The following FOXN3 variants were observed in gnomAD, a reference collection of about 807,000 sequenced individuals.
FOXN3 encodes the protein forkhead box N3.
A neutral mutation model predicts 38.4 loss-of-function variants in FOXN3; 7 were observed. The observed-to-expected ratio is 0.18, with a 90% confidence interval of 0.10 to 0.34. The LOEUF is 0.34. Ranked by LOEUF, FOXN3 falls within the 10% of genes least tolerant of loss-of-function variation. The pLI, the probability that FOXN3 is intolerant of heterozygous loss-of-function variation, is 1.00. For missense variants in FOXN3, 456 were observed against 613.4 expected, an observed-to-expected ratio of 0.74 and a Z score of 2.71; for synonymous variants, 230 against 242.2, an observed-to-expected ratio of 0.95 and a Z score of 0.47.
At chr14:89,543,588 G>A (rs565455523) in intron 1 of FOXN3, among the ~76,000 whole-genome samples, 16 of 152,164 alleles carry the variant, frequency 1.1e-4, no homozygotes, top group African/African-American at 1.9e-4. Flanking sequence ...CTATTCCTCC[G>A]GCAAGGTTGC....
At chr14:89,586,155 C>A (rs543073357) in intron 1 of FOXN3, among the ~76,000 whole-genome samples, 44 of 152,180 alleles carry the variant, frequency 2.9e-4, no homozygotes, top group Non-Finnish European at 5.7e-4. Context: ...AGCACCAATG[C>A]CTGGCCTGGC....
intron 1 of FOXN3, among the ~76,000 whole-genome samples, chr14:89,583,474 C>T (rs1566708677): frequency 6.6e-6 from 1 of 152,226 alleles, no homozygotes; most frequent in Non-Finnish European, 1.5e-5. Flanking sequence ...AGAAGGCCCT[C>T]ACCAGACCCA....
chr14:89,612,192 T>C (rs1309083445), intron 1 of FOXN3, among the ~76,000 whole-genome samples: 1 of 152,142 alleles, frequency 6.6e-6, no homozygotes. Flanking sequence ...TTAATGCATA[T>C]TATCATTAGG....
intron 3 of FOXN3, among the ~76,000 whole-genome samples, chr14:89,285,219 A>G (rs1266976266): frequency 2.6e-5 from 4 of 152,190 alleles, no homozygotes; most frequent in Admixed American, 2.6e-4. Context: ...GTGAACTAGG[A>G]CCTACAAAAG....
chr14:89,502,244 C>T (rs1411830608), intron 1 of FOXN3, among the ~76,000 whole-genome samples: 1 of 152,156 alleles, frequency 6.6e-6, no homozygotes, highest in African/African-American at 2.4e-5. Context: ...TACAAACATG[C>T]ATGGAAATGA....
At chr14:89,352,063 A>G in intron 2 of FOXN3, among the ~76,000 whole-genome samples, 1 of 152,234 alleles carries the variant, frequency 6.6e-6, no homozygotes, top group East Asian at 1.9e-4. Context: ...TGCAATGAGA[A>G]TAGGAGAATT....
chr14:89,423,316 T>G (rs745449324), intron 1 of FOXN3, among the ~76,000 whole-genome samples: 2 of 152,240 alleles, frequency 1.3e-5, no homozygotes, highest in African/African-American at 2.4e-5. Flanking sequence ...TACCTAGTTT[T>G]CACTTCATAG....
At chr14:89,544,164 C>A (rs952505641) in intron 1 of FOXN3, among the ~76,000 whole-genome samples, 1 of 151,964 alleles carries the variant, frequency 6.6e-6, no homozygotes, top group African/African-American at 2.4e-5. Flanking sequence ...GCCTCAGCAT[C>A]CCAAGTAGCT....
chr14:89,216,675 T>C (rs1454756568), intron 4 of FOXN3, among the ~76,000 whole-genome samples: 1 of 152,114 alleles, frequency 6.6e-6, no homozygotes, highest in Non-Finnish European at 1.5e-5. Context: ...GAACCAAATG[T>C]CCCCCAGCCA....
chr14:89,365,582 C>A (rs1465018775), intron 2 of FOXN3, among the ~76,000 whole-genome samples: 1 of 152,192 alleles, frequency 6.6e-6, no homozygotes, highest in African/African-American at 2.4e-5. Flanking sequence ...AGTTTTACCA[C>A]TCTGTCTTGG....
At chr14:89,526,629 T>C (rs1894437900) in intron 1 of FOXN3, among the ~76,000 whole-genome samples, 1 of 152,316 alleles carries the variant, frequency 6.6e-6, no homozygotes, top group South Asian at 2.1e-4. Flanking sequence ...AGCAATATAC[T>C]ATGTTCATGG....
intron 1 of FOXN3, among the ~76,000 whole-genome samples, chr14:89,447,428 G>T (rs1267759567): frequency 6.6e-6 from 1 of 152,058 alleles, no homozygotes; most frequent in Non-Finnish European, 1.5e-5. Flanking sequence ...CCTTCAGCAG[G>T]TGTTTTAATG....
At chr14:89,220,781 T>G (rs1353280466) in intron 4 of FOXN3, among the ~76,000 whole-genome samples, 1 of 152,152 alleles carries the variant, frequency 6.6e-6, no homozygotes, top group Non-Finnish European at 1.5e-5. Context: ...TGTTAATACA[T>G]GCTTTGAAAG....
chr14:89,459,604 C>T (rs1203339368), intron 1 of FOXN3, among the ~76,000 whole-genome samples: 1 of 152,186 alleles, frequency 6.6e-6, no homozygotes, highest in Non-Finnish European at 1.5e-5. Context: ...TAGTGGAACT[C>T]ACTTCTTGTT....
intron 4 of FOXN3, among the ~76,000 whole-genome samples, chr14:89,242,202 G>A (rs559199518): frequency 9.9e-5 from 15 of 152,236 alleles, no homozygotes; most frequent in African/African-American, 3.1e-4. Context: ...TGGTGCCCGC[G>A]TTCCTGGCAG....
intron 3 of FOXN3, among the ~76,000 whole-genome samples, chr14:89,287,063 CA>C (rs1886650121): frequency 6.6e-6 from 1 of 152,112 alleles, no homozygotes; most frequent in South Asian, 2.1e-4. Context: ...TCCATGCCTG[CA>C]AGCCGGGGGC....
In FOXN3 at chr14:89,483,729, T is replaced by C. The variant is rs115418213; in HGVS notation, c.-14-71239A>G. On this transcript the variant is annotated intron_variant, in intron 1 of 6. Coordinates refer to the FOXN3 transcript ENST00000345097. ...GGCCTGGGTGTACTTTTTACCCTGATATACTACTGCCTGCCCTGGCTCAGC... is the reference window on the plus strand; with the variant it reads ...GGCCTGGGTGTACTTTTTACCCTGACATACTACTGCCTGCCCTGGCTCAGC... Among the ~76,000 whole-genome samples the C allele has an allele frequency of 2.4e-3, 366 of 152,320 alleles. 3 individuals are homozygous for C. The highest frequency in any genetic ancestry group is 8.2e-3 in the African/African-American group (343 of 41,580).
At chr14:89,241,888 G>A (rs545406230) in intron 4 of FOXN3, among the ~76,000 whole-genome samples, 108 of 152,232 alleles carry the variant, frequency 7.1e-4, no homozygotes, top group Non-Finnish European at 1.4e-3. Context: ...TCTTCCCCTC[G>A]GAGCTCTGCC....
At chr14:89,264,644 G>A (rs1885914896) in intron 4 of FOXN3, among the ~76,000 whole-genome samples, 1 of 152,128 alleles carries the variant, frequency 6.6e-6, no homozygotes, top group Non-Finnish European at 1.5e-5. Flanking sequence ...AAGAAGAGCA[G>A]GAACACCCTC....
Sources: gnomAD v4.1 joint callset for allele counts (sites outside exome capture counted in the v4.1 genomes callset) on GRCh38, gnomAD v4.1.1 for gene constraint, MANE v1.5 for transcripts, NCBI Gene and HGNC (gene_info 2026-07-23, HGNC 2026-07-21) for gene names.